The following NBAS variants were observed in gnomAD, a reference collection of about 807,000 sequenced individuals.
NBAS encodes the protein NAG/BC035112 fusion.
A neutral mutation model predicts 302.5 loss-of-function variants in NBAS; 219 were observed. The observed-to-expected ratio is 0.72, with a 90% CI of 0.65 to 0.81. The LOEUF is 0.81. NBAS is among the 30% of genes least tolerant of loss of function. The probability of loss-of-function intolerance (pLI) is 0.00; values close to 1 mark genes in which losing one functional copy is unlikely to be tolerated. For missense variants in NBAS, 2,932 were observed against 2,841.6 expected, an observed-to-expected ratio of 1.03 and a Z score of -0.72; for synonymous variants, 1,118 against 1,021.6, an observed-to-expected ratio of 1.09 and a Z score of -1.80.
intron 27 of NBAS, 111 bp from the exon 28 acceptor site, chr2:15,394,460 C>A (rs1016458632): frequency 1.8e-6 from 2 of 1,136,312 alleles, no homozygotes; most frequent in East Asian, 4.9e-5. Flanking sequence ...AAAATTATCC[C>A]ATAGTGTAAT....
chr2:15,274,901 A>C (rs1320679122), intron 44 of NBAS, among the ~76,000 whole-genome samples: 1 of 151,428 alleles, frequency 6.6e-6, no homozygotes, highest in Non-Finnish European at 1.5e-5. Flanking sequence ...AGTAGCTGGG[A>C]CTACAGGTGC....
the NBAS span, among the ~76,000 whole-genome samples, chr2:15,089,018 T>G: frequency 6.6e-6 from 1 of 152,186 alleles, no homozygotes; most frequent in African/African-American, 2.4e-5. Context: ...CTGGCCTGCT[T>G]GAAAGGTGGA....
At chr2:15,356,224 T>C in intron 33 of NBAS, 79 bp downstream of exon 33, 2 of 1,238,364 alleles carry the variant, frequency 1.6e-6, no homozygotes, top group Non-Finnish European at 2.4e-6. Context: ...TCAGGTCAAT[T>C]GATTTCAGAA....
the NBAS span, among the ~76,000 whole-genome samples, chr2:14,884,280 C>A: frequency 7.2e-5 from 11 of 152,158 alleles, no homozygotes; most frequent in Admixed American, 6.5e-5. Context: ...CTCAAGGACT[C>A]CAGAAACCGG....
At chr2:14,850,141 A>T in the NBAS span, among the ~76,000 whole-genome samples, 1 of 135,192 alleles carries the variant, frequency 7.4e-6, no homozygotes, top group African/African-American at 3.6e-5. Context: ...GGCAAATTGG[A>T]TAAAGAGTCA....
At chr2:15,249,866 G>T (rs1022060300) in intron 44 of NBAS, among the ~76,000 whole-genome samples, 6 of 152,036 alleles carry the variant, frequency 3.9e-5, no homozygotes, top group African/African-American at 9.7e-5. Flanking sequence ...TCAATATCGT[G>T]AAAATGGCCA....
chr2:15,030,921 G>A, the NBAS span, among the ~76,000 whole-genome samples: 1 of 152,170 alleles, frequency 6.6e-6, no homozygotes, highest in Admixed American at 6.5e-5. Context: ...AAGAGATTGT[G>A]TGTGGCAAAC....
chr2:15,555,290 A>G (rs1664594667), intron 3 of NBAS, among the ~76,000 whole-genome samples: 1 of 151,914 alleles, frequency 6.6e-6, no homozygotes, highest in East Asian at 1.9e-4. Context: ...AGTAATATAC[A>G]TGTAGTACAT....
chr2:15,229,355 A>G (rs1341505091), intron 47 of NBAS, among the ~76,000 whole-genome samples: 1 of 145,802 alleles, frequency 6.9e-6, no homozygotes, highest in Non-Finnish European at 1.5e-5. Flanking sequence ...AACAAAAAAA[A>G]AAAAAAAAAA....
chr2:15,158,001 G>A, the NBAS span, among the ~76,000 whole-genome samples: 209 of 152,284 alleles, frequency 1.4e-3, no homozygotes, highest in African/African-American at 4.6e-3. Context: ...CACTCTGCAC[G>A]CTAGGGGAGA....
At chr2:15,312,015 A>G (rs908654806) in intron 38 of NBAS, among the ~76,000 whole-genome samples, 20 of 152,022 alleles carry the variant, frequency 1.3e-4, no homozygotes, top group African/African-American at 4.8e-4. Flanking sequence ...TGACCTCCAA[A>G]GGTCACCAAA....
the NBAS span, among the ~76,000 whole-genome samples, chr2:15,125,999 T>C: frequency 2.9e-3 from 435 of 152,294 alleles, 8 homozygotes; most frequent in East Asian, 0.05. Flanking sequence ...TGGATATTTG[T>C]CTTCTTCAAA....
chr2:15,147,872 A>G, the NBAS span, among the ~76,000 whole-genome samples: 1 of 151,328 alleles, frequency 6.6e-6, no homozygotes, highest in African/African-American at 2.5e-5. Flanking sequence ...AGTTTAAGAC[A>G]GCAGGCTCAG....
chr2:15,061,954 G>A, the NBAS span, among the ~76,000 whole-genome samples: 1 of 152,204 alleles, frequency 6.6e-6, no homozygotes, highest in Non-Finnish European at 1.5e-5. Context: ...CAGGGGTGCA[G>A]CATGAAGCAA....
chr2:15,155,450 GT>G, the NBAS span, among the ~76,000 whole-genome samples: 2 of 152,166 alleles, frequency 1.3e-5, no homozygotes, highest in African/African-American at 4.8e-5. Context: ...GAATGATTCT[GT>G]TTCCCATCTA....
chr2:15,461,082 G>C, intron 21 of NBAS, 119 bp downstream of exon 21: 1 of 972,494 alleles, frequency 1.0e-6, no homozygotes, highest in Non-Finnish European at 1.5e-6. Flanking sequence ...TTTTTTATCA[G>C]GAAAAAAGTT....
the NBAS span, among the ~76,000 whole-genome samples, chr2:14,792,675 T>TA: frequency 8.1e-3 from 1,182 of 146,720 alleles, 15 homozygotes; most frequent in African/African-American, 0.023. Flanking sequence ...CTATGGAAAT[T>TA]AAAAAAAAAA....
Position 15,461,073 on chromosome 2 carries a change from T to C in NBAS, c.2339+128A>G. ...TCAGGACCATTTACAATAACTTAATTTTTTATCAGGAAAAAAGTTTAAATA... is the reference window on the plus strand; with the variant it reads ...TCAGGACCATTTACAATAACTTAATCTTTTATCAGGAAAAAAGTTTAAATA... On this transcript the variant is annotated intron_variant, in intron 21 of 51. Transcript: ENST00000281513. 1.2e-5 allele frequency: 11 copies of C among 920,470 alleles called. No individual in the cohort carries two copies. In the South Asian group the frequency reaches 1.8e-4, roughly 15 times the overall value. 57.0% of individuals were successfully genotyped at this position (920,470 alleles called of 1,614,324 possible).
At chr2:15,126,042 G>A in the NBAS span, among the ~76,000 whole-genome samples, 265 of 152,232 alleles carry the variant, frequency 1.7e-3, 1 homozygote, top group African/African-American at 6.1e-3. Flanking sequence ...CGGTGTTGGA[G>A]GTAGAGCCTG....
Sources: allele counts gnomAD v4.1 joint callset (sites outside exome capture counted in the v4.1 genomes callset), GRCh38; gene constraint gnomAD v4.1.1; transcripts MANE v1.5; gene names NCBI Gene and HGNC (gene_info 2026-07-23, HGNC 2026-07-21).